MIS18BP1: variants seen among roughly 807,000 people sequenced by gnomAD.
MIS18BP1 encodes MIS18 binding protein 1, also known as mis18-binding protein 1.
MIS18BP1 carries 72 observed loss-of-function variants against 116.1 expected under a neutral mutation model. The observed-to-expected ratio is 0.62, with a 90% CI of 0.51 to 0.75. The LOEUF is 0.75. Ranked by LOEUF, MIS18BP1 falls within the 30% of genes least tolerant of loss-of-function variation. The pLI, the probability that MIS18BP1 is intolerant of heterozygous loss-of-function variation, is 0.00. For synonymous variants in MIS18BP1, 386 were observed against 427.0 expected (o/e 0.90, Z 1.18); for missense variants, 1,363 against 1,303.2 (o/e 1.05, Z -0.71).
intron 11 of MIS18BP1, among the ~76,000 whole-genome samples, chr14:45,221,022 C>A (rs1336978723): frequency 6.6e-6 from 1 of 152,062 alleles, no homozygotes; most frequent in Admixed American, 6.6e-5. Context: ...GTAATCCCAG[C>A]TACTTGGGAG....
intron 5 of MIS18BP1, among the ~76,000 whole-genome samples, chr14:45,237,428 G>A (rs1430033618): frequency 6.6e-6 from 1 of 152,148 alleles, no homozygotes; most frequent in Non-Finnish European, 1.5e-5. Context: ...AATTTGAACT[G>A]TCATTATTTT....
chr14:45,206,513 A>C, intron 14 of MIS18BP1: 1 of 178,764 alleles, frequency 5.6e-6, no homozygotes, highest in South Asian at 1.3e-4. Flanking sequence ...GTTTCAAACT[A>C]CTGAGCTCAT....
At chr14:45,247,610 G>C (rs1039366880) in intron 1 of MIS18BP1, among the ~76,000 whole-genome samples, 2 of 152,054 alleles carry the variant, frequency 1.3e-5, no homozygotes, top group Non-Finnish European at 2.9e-5. Context: ...TGAGCAGGGA[G>C]GATCACTTGA....
chr14:45,208,949 T>G (rs1337246572), intron 14 of MIS18BP1, among the ~76,000 whole-genome samples: 1 of 152,188 alleles, frequency 6.6e-6, no homozygotes, highest in East Asian at 1.9e-4. Flanking sequence ...GCCTCATTCT[T>G]ACTATTTTCC....
At position 45,247,339 on chromosome 14, in the gene MIS18BP1, C is replaced by A; in HGVS notation, c.-53G>T. 1 of 1,446,094 alleles carries A rather than the reference C, an allele frequency of 6.9e-7. No homozygotes were observed. Among genetic ancestry groups the A allele is most frequent in the Non-Finnish European group, 9.2e-7 (1 of 1,085,886 alleles). 89.6% of individuals were successfully genotyped at this position (1,446,094 alleles called of 1,614,324 possible). ...TTCTAACAGAAAATTCACTTAAGCG[C>A]AATTTTCAGATAGAACTTCAGAAGG... On this transcript the variant is annotated 5_prime_UTR_variant, in exon 2 of 17. Transcript: ENST00000310806.
chr14:45,224,294 G>A lies in MIS18BP1; in HGVS notation c.2293C>T (p.His765Tyr). 2 of 1,613,706 alleles carry A rather than the reference G, an allele frequency of 1.2e-6. No homozygotes were observed. Among genetic ancestry groups the A allele is most frequent in the Admixed American group, 1.7e-5 (1 of 60,020 alleles). Residue 765 changes from histidine (H) to tyrosine (Y), a missense_variant, in exon 11 of 17, where the codon CAT (histidine) becomes TAT (tyrosine). Coordinates refer to ENST00000310806, the MANE Select transcript of MIS18BP1 (RefSeq NM_018353.5). ...ENQVAMSFYK[H>Y]QSSPDLSSEE... ...CTTGACAAATCTGGTGAGGACTGAT[G>A]CTTATAAAATGACATAGCTACCTGA...
At chr14:45,230,618 T>C (rs1891247231) in intron 8 of MIS18BP1, among the ~76,000 whole-genome samples, 1 of 152,026 alleles carries the variant, frequency 6.6e-6, no homozygotes, top group Non-Finnish European at 1.5e-5. Flanking sequence ...AAAAGGTAAT[T>C]ATTATTATTA....
chr14:45,220,542 A>T (rs928106093), intron 11 of MIS18BP1, among the ~76,000 whole-genome samples: 1 of 152,132 alleles, frequency 6.6e-6, no homozygotes, highest in Non-Finnish European at 1.5e-5. Flanking sequence ...TGGTCATTTA[A>T]AAGTGTGTAG....
At chr14:45,217,678 G>A (rs1057451705) in intron 12 of MIS18BP1, among the ~76,000 whole-genome samples, 2 of 151,352 alleles carry the variant, frequency 1.3e-5, no homozygotes, top group Non-Finnish European at 2.9e-5. Flanking sequence ...TCAAGTAATC[G>A]GTCCACCTCA....
In MIS18BP1 at chr14:45,235,996, C is replaced by A. The variant is rs1223643068; in HGVS notation, c.1218-52G>T. On this transcript the variant is annotated intron_variant, in intron 5 of 16. Transcript: ENST00000310806. ...GGTCAAAATATTCATATAGAAATTT[C>A]TAACAGAAAATAATTTTACACTTTA... 3.4e-6 allele frequency: 5 copies of A among 1,476,340 alleles called. No individual in the cohort carries two copies. In the East Asian group the frequency reaches 1.2e-4, roughly 34 times the overall value. The allele number at this position is 1,476,340 out of a possible 1,614,324, so 91.5% of individuals were successfully genotyped here.
rs750964550 is a variant in MIS18BP1 at position 45,246,826 on chromosome 14, T to C, written c.461A>G (p.Glu154Gly). 3.8e-6 allele frequency: 6 copies of C among 1,596,424 alleles called. No homozygotes were observed. Among genetic ancestry groups the C allele is most frequent in the Non-Finnish European group, 4.3e-6 (5 of 1,175,696 alleles). Residue 154 changes from glutamate to glycine, a missense_variant, in exon 2 of 17, where the codon GAA becomes GGA. Glu to Gly is a moderately conservative substitution (Grantham distance 98). Coordinates refer to ENST00000310806, the MANE Select transcript of MIS18BP1 (RefSeq NM_018353.5). ...GTAGGTATGCTGCAATTTTTTTTTT[T>C]CAACTCTGTTAGGAGTGAAGGTTTC... ...NNETFTPNRV[E>G]KKKLQHTYLC...
At chr14:45,240,711 C>T (rs917876656) in intron 4 of MIS18BP1, among the ~76,000 whole-genome samples, 2 of 151,186 alleles carry the variant, frequency 1.3e-5, no homozygotes, top group African/African-American at 4.9e-5. Context: ...CATGTTTCAA[C>T]ATGTTTATAT....
intron 13 of MIS18BP1, 142 bp from the exon 14 acceptor site, chr14:45,210,670 A>T: frequency 1.1e-6 from 1 of 938,110 alleles, no homozygotes. Flanking sequence ...TACGTAGAGG[A>T]GTAGAGGCTA....
At chr14:45,211,623 CA>C (rs1890674449) in intron 13 of MIS18BP1, among the ~76,000 whole-genome samples, 1 of 152,200 alleles carries the variant, frequency 6.6e-6, no homozygotes, top group African/African-American at 2.4e-5. Flanking sequence ...CTTCTTTTTA[CA>C]AGCGGCAAGT....
chr14:45,235,537 C>A (rs1200286528), intron 6 of MIS18BP1, among the ~76,000 whole-genome samples: 3 of 149,246 alleles, frequency 2.0e-5, no homozygotes, highest in African/African-American at 7.4e-5. Flanking sequence ...TTGCAGTGAG[C>A]CGAGATCGTG....
rs1385173323 is a variant in MIS18BP1, at chr14:45,204,191, A to G, written c.3317T>C (p.Ile1106Thr). ...CACAGCATTAGTGAAAAGTTTTCCA[A>G]TACCAGAGTTTTCTCCTAAGTCTGT... ...FNTDLGENSGIGKLFTNAVES... is the reference protein window; with the variant it reads ...FNTDLGENSGTGKLFTNAVES... Residue 1106 changes from isoleucine to threonine, a missense_variant, in exon 17 of 17, where the codon ATT (isoleucine) becomes ACT (threonine). Ile to Thr is a moderately conservative substitution (Grantham distance 89). Transcript: ENST00000310806. The G allele has an allele frequency of 1.9e-6, 3 of 1,610,192 alleles. No individual in the cohort carries two copies. Among genetic ancestry groups the G allele is most frequent in the South Asian group, 2.2e-5 (2 of 90,016 alleles).
chr14:45,235,687 AGTT>A (rs1891409134), intron 6 of MIS18BP1, 124 bp downstream of exon 6: 1 of 675,392 alleles, frequency 1.5e-6, no homozygotes, highest in Non-Finnish European at 2.2e-6. Context: ...ATATAATATC[AGTT>A]GTTTTGATTT....
intron 13 of MIS18BP1, among the ~76,000 whole-genome samples, chr14:45,212,268 T>C (rs1052320422): frequency 1.1e-4 from 16 of 152,230 alleles, no homozygotes; most frequent in African/African-American, 3.9e-4. Flanking sequence ...ATCTTTTCTA[T>C]TCCTCCCAGC....
intron 1 of MIS18BP1, among the ~76,000 whole-genome samples, chr14:45,250,847 C>A (rs1185167633): frequency 6.6e-6 from 1 of 152,148 alleles, no homozygotes; most frequent in East Asian, 1.9e-4. Flanking sequence ...ACCATCCTGT[C>A]TAACACGGTG....
Sources: allele counts gnomAD v4.1 joint callset (sites outside exome capture counted in the v4.1 genomes callset), GRCh38; gene constraint gnomAD v4.1.1; transcripts MANE v1.5; gene names NCBI Gene and HGNC (gene_info 2026-07-23, HGNC 2026-07-21).